Variants in PRUNE2 observed in about 807,000 individuals in gnomAD.
PRUNE2 encodes the protein prune homolog 2 with BCH domain.
In PRUNE2, 164 loss-of-function variants were observed where a neutral mutation model predicts 252.0. The ratio of observed to expected loss-of-function variants is 0.65; its 90% CI spans 0.57 to 0.74. The LOEUF is 0.74. Ranked by LOEUF, PRUNE2 falls within the 30% of genes least tolerant of loss-of-function variation. PRUNE2 has a pLI of 0.00. For missense variants in PRUNE2, 3,495 were observed against 3,711.0 expected (o/e 0.94, Z 1.51); for synonymous variants, 1,292 against 1,350.2 (o/e 0.96, Z 0.94).
chr9:76,734,808 G>A (rs2048933919), intron 6 of PRUNE2, among the ~76,000 whole-genome samples: 1 of 152,190 alleles, frequency 6.6e-6, no homozygotes, highest in Non-Finnish European at 1.5e-5. Flanking sequence ...ATGGTTTCAG[G>A]AATAACATGT....
chr9:76,703,687 A>G lies in PRUNE2; in HGVS notation c.7926T>C (p.Gly2642=), dbSNP rs1362860308. The change falls in exon 9 of 19, where the codon GGT becomes GGC. Residue 2642 remains glycine (G), a synonymous_variant. Coordinates refer to ENST00000376718, the MANE Select transcript of PRUNE2 (RefSeq NM_015225.3). ...AGTCCCTGGCATCCAGTGATGGATCACCAACCTCACTATGGCCCAAGAACA... is the reference window on the plus strand; with the variant it reads ...AGTCCCTGGCATCCAGTGATGGATCGCCAACCTCACTATGGCCCAAGAACA... ...SWMFLGHSEV[G]DPSLDARDSG... is the part of the protein sequence containing the mutation. 1.2e-6 allele frequency: 2 copies of G among 1,613,082 alleles called. No individual in the cohort carries two copies. The highest frequency in any genetic ancestry group is 3.3e-5 in the Admixed American group (2 of 59,924).
chr9:76,868,036 G>T (rs2060947259), intron 1 of PRUNE2, among the ~76,000 whole-genome samples: 1 of 152,108 alleles, frequency 6.6e-6, no homozygotes, highest in African/African-American at 2.4e-5. Context: ...AGCACTCAGG[G>T]GTGCTTCCTG....
intron 10 of PRUNE2, among the ~76,000 whole-genome samples, chr9:76,652,921 G>A (rs1195670167): frequency 6.6e-6 from 1 of 152,070 alleles, no homozygotes; most frequent in Non-Finnish European, 1.5e-5. Flanking sequence ...AAACACTCTG[G>A]TCCAAGCATT....
At chr9:76,667,487 C>A (rs1425244213) in intron 9 of PRUNE2, among the ~76,000 whole-genome samples, 1 of 152,164 alleles carries the variant, frequency 6.6e-6, no homozygotes, top group African/African-American at 2.4e-5. Context: ...GGGAAGACTG[C>A]CTGCCTGCCC....
intron 9 of PRUNE2, among the ~76,000 whole-genome samples, chr9:76,667,850 C>T (rs2040493536): frequency 1.3e-5 from 2 of 152,128 alleles, no homozygotes; most frequent in Admixed American, 6.5e-5. Context: ...CTCTGTTGTC[C>T]TAGCACAAAC....
rs866179947 is a variant in PRUNE2 at position 76,709,360 on chromosome 9, A to T, written c.2914T>A (p.Ser972Thr). 1 of 1,613,988 alleles carries T rather than the reference A, an allele frequency of 6.2e-7. No homozygotes were observed. The change falls in exon 8 of 19, where the codon TCT (serine) becomes ACT (threonine). Residue 972 changes from serine (S) to threonine (T), a missense_variant. Coordinates refer to ENST00000376718, the MANE Select transcript of PRUNE2 (RefSeq NM_015225.3). Reference sequence around the variant, plus strand: ...CCAGCAAATGTTGGTGATGTGTAAGAGTCTGAGGTGGAATAATTGGTATCT... The same window carrying T: ...CCAGCAAATGTTGGTGATGTGTAAGTGTCTGAGGTGGAATAATTGGTATCT... Reference protein sequence around the residue: ...PLDTNYSTSDSYTSPTFAGDE... With the variant: ...PLDTNYSTSDTYTSPTFAGDE...
At chr9:76,659,481 A>C (rs7040011) in intron 9 of PRUNE2, among the ~76,000 whole-genome samples, 1 of 152,068 alleles carries the variant, frequency 6.6e-6, no homozygotes, top group African/African-American at 2.4e-5. Context: ...CATAGCCTTT[A>C]ATCACTTGCC....
chr9:76,854,059 C>T, intron 2 of PRUNE2, 45 bp downstream of exon 2: 2 of 937,728 alleles, frequency 2.1e-6, no homozygotes, highest in African/African-American at 1.7e-5. Context: ...TTAAAAGTTA[C>T]ATAATAATTC....
chr9:76,903,305 ATT>A (rs2063288685), intron 1 of PRUNE2, among the ~76,000 whole-genome samples: 1 of 152,166 alleles, frequency 6.6e-6, no homozygotes, highest in Non-Finnish European at 1.5e-5. Flanking sequence ...TGGAGGAGTC[ATT>A]AACTATTTCA....
In PRUNE2 at chr9:76,703,982, T is replaced by A. The variant is rs374100873; in HGVS notation, c.7631A>T (p.His2544Leu). ...AAGTATGTAATCCATGTGTAGTGCA[T>A]GACGATCTTCATTCTTCTCTGTACA... ...ERCTEKNEDR[H>L]ALHMDYILVN... Residue 2544 changes from histidine to leucine, a missense_variant, in exon 9 of 19, where the codon CAT becomes CTT. Physicochemically the swap from His to Leu is moderately conservative, Grantham distance 99 (BLOSUM62 -3). Transcript: ENST00000376718. 1 of 1,613,934 alleles carries A rather than the reference T, an allele frequency of 6.2e-7. No homozygotes were observed. The highest frequency in any genetic ancestry group is 1.7e-5 in the Admixed American group (1 of 60,016).
At chr9:76,730,120 G>A (rs1346701362) in intron 6 of PRUNE2, among the ~76,000 whole-genome samples, 1 of 152,186 alleles carries the variant, frequency 6.6e-6, no homozygotes, top group Non-Finnish European at 1.5e-5. Flanking sequence ...TAGGTTTGGA[G>A]CAAACACAGC....
intron 6 of PRUNE2, among the ~76,000 whole-genome samples, chr9:76,720,611 TA>T (rs1349682765): frequency 1.3e-5 from 2 of 151,586 alleles, no homozygotes; most frequent in Admixed American, 6.6e-5. Flanking sequence ...TTTTTATTAT[TA>T]TTTTTTAGGT....
At chr9:76,784,919 T>A (rs1359106232) in intron 6 of PRUNE2, 1 of 152,232 alleles carries the variant, frequency 6.6e-6, no homozygotes, top group East Asian at 1.9e-4. Context: ...GATTAACTTT[T>A]TTTTTTAACC....
intron 1 of PRUNE2, among the ~76,000 whole-genome samples, chr9:76,881,110 G>A (rs1208445487): frequency 6.6e-6 from 1 of 152,052 alleles, no homozygotes; most frequent in Non-Finnish European, 1.5e-5. Flanking sequence ...TGGGACTACA[G>A]GCGTGCGCCA....
intron 2 of PRUNE2, among the ~76,000 whole-genome samples, chr9:76,853,100 T>C (rs1362313752): frequency 6.6e-6 from 1 of 152,214 alleles, no homozygotes; most frequent in Non-Finnish European, 1.5e-5. Flanking sequence ...TATCTCCTCA[T>C]ACCAATTAAT....
rs2046446433 is a variant in PRUNE2 at position 76,708,200 on chromosome 9, T to G, written c.4074A>C (p.Lys1358Asn). Residue 1358 changes from lysine to asparagine, a missense_variant, in exon 8 of 19, where the codon AAA becomes AAC. Lys to Asn is a moderately conservative substitution (Grantham distance 94). Transcript: ENST00000376718. ...GVENASGISE[K>N]GQSDQELSSL... ...AAGACAGTTCCTGGTCACTCTGCCC[T>G]TTTTCAGAAATCCCTGAGGCATTCT... 6.2e-7 allele frequency: 1 copy of G among 1,613,798 alleles called. No homozygotes were observed. The highest frequency in any genetic ancestry group is 8.5e-7 in the Non-Finnish European group (1 of 1,179,876).
chr9:76,633,667 T>C (rs1332670346), intron 15 of PRUNE2, among the ~76,000 whole-genome samples: 1 of 152,148 alleles, frequency 6.6e-6, no homozygotes, highest in East Asian at 1.9e-4. Flanking sequence ...AATGGCAGAA[T>C]TGAGTAGCTG....
rs764394022 is a variant in PRUNE2 at position 76,629,237 on chromosome 9, C to G, written c.9104G>C (p.Gly3035Ala). The G allele has an allele frequency of 6.2e-7, 1 of 1,606,480 alleles. No homozygotes were observed. Among genetic ancestry groups the G allele is most frequent in the Admixed American group, 1.7e-5 (1 of 59,578 alleles). The change falls in exon 16 of 19, where the codon GGG becomes GCG. Residue 3035 changes from glycine to alanine, a missense_variant. Transcript: ENST00000376718. ...GTGGATGCAATCCATTGGGATCAGCCCACTGAGTTCTGATAAGCTATTGAC... is the reference window on the plus strand; with the variant it reads ...GTGGATGCAATCCATTGGGATCAGCGCACTGAGTTCTGATAAGCTATTGAC... ...KYVNSLSELS[G>A]LIPMDCIHIP...
chr9:76,716,545 T>G lies in PRUNE2; in HGVS notation c.757-2824A>C, dbSNP rs116681145. Reference sequence around the variant, plus strand: ...TCCTATGGCAACCTCATCATAAAAGTCCCCTTAGGGTGTGCGTTTCTGGGC... The same window carrying G: ...TCCTATGGCAACCTCATCATAAAAGGCCCCTTAGGGTGTGCGTTTCTGGGC... On this transcript the variant is annotated intron_variant, in intron 6 of 18. Transcript: ENST00000376718. 6.2e-3 allele frequency among the ~76,000 whole-genome samples: 945 copies of G among 152,310 alleles called. 8 individuals are homozygous for G. Among genetic ancestry groups the G allele is most frequent in the African/African-American group, 0.021 (894 of 41,582 alleles).
Sources: allele counts gnomAD v4.1 joint callset (sites outside exome capture counted in the v4.1 genomes callset), GRCh38; gene constraint gnomAD v4.1.1; transcripts MANE v1.5; gene names NCBI Gene and HGNC (gene_info 2026-07-23, HGNC 2026-07-21).